Variants in RHBDL3 observed in about 807,000 individuals in gnomAD.
RHBDL3 encodes rhomboid-related protein 3.
Under a neutral mutation model 48.2 loss-of-function variants are expected in RHBDL3, and 28 were observed. The ratio of observed to expected loss-of-function variants is 0.58; its 90% CI spans 0.43 to 0.80. The LOEUF is 0.80. Ranked by LOEUF, RHBDL3 falls within the 30% of genes least tolerant of loss-of-function variation. RHBDL3 has a pLI of 0.00. For missense variants in RHBDL3, 464 were observed against 542.7 expected, an observed-to-expected ratio of 0.85 and a Z score of 1.44; for synonymous variants, 208 against 232.3, an observed-to-expected ratio of 0.90 and a Z score of 0.95.
chr17:32,274,072 G>T (rs566296304), intron 2 of RHBDL3, among the ~76,000 whole-genome samples: 1 of 152,180 alleles, frequency 6.6e-6, no homozygotes. Flanking sequence ...CAGAGCCCCA[G>T]TTGGGGTTCC....
intron 6 of RHBDL3, among the ~76,000 whole-genome samples, chr17:32,304,151 C>T (rs909847853): frequency 6.6e-6 from 1 of 152,184 alleles, no homozygotes; most frequent in African/African-American, 2.4e-5. Flanking sequence ...TTGTCATCCC[C>T]CAGACCAAGC....
At chr17:32,292,580 G>A (rs2040355231) in intron 4 of RHBDL3, among the ~76,000 whole-genome samples, 1 of 152,070 alleles carries the variant, frequency 6.6e-6, no homozygotes, top group Non-Finnish European at 1.5e-5. Context: ...TGAAGAAGGT[G>A]GATCACCTGA....
At position 32,322,902 on chromosome 17, in the gene RHBDL3, CA is replaced by C. The variant is rs1313259539; in HGVS notation, c.*1674del. The C allele has an allele frequency of 3.3e-5, 5 of 152,532 alleles. No individual in the cohort carries two copies. The highest frequency in any genetic ancestry group is 9.6e-5 in the African/African-American group (4 of 41,490). The allele number at this position is 152,532 out of a possible 1,614,324, so 9.4% of individuals were successfully genotyped here. On this transcript the variant is annotated 3_prime_UTR_variant, in exon 9 of 9. Transcript: ENST00000269051. ...AAAGAACGCCAGGCCTGGGAGGAGG[CA>C]GGGGGGCTGGGCGTGTCCAGAAACA...
intron 6 of RHBDL3, among the ~76,000 whole-genome samples, chr17:32,299,413 A>G (rs1386463625): frequency 6.6e-6 from 1 of 152,146 alleles, no homozygotes; most frequent in African/African-American, 2.4e-5. Context: ...CCCTCCCAGA[A>G]TCCAAGGCTC....
chr17:32,269,750 T>C (rs570638726), intron 2 of RHBDL3, among the ~76,000 whole-genome samples: 1 of 152,292 alleles, frequency 6.6e-6, no homozygotes, highest in African/African-American at 2.4e-5. Context: ...AGTGTATCAT[T>C]CTTTTTTTTT....
At chr17:32,266,956 C>T (rs989327968) in intron 1 of RHBDL3, among the ~76,000 whole-genome samples, 3 of 152,136 alleles carry the variant, frequency 2.0e-5, no homozygotes, top group Non-Finnish European at 4.4e-5. Flanking sequence ...GCCCCGAGGG[C>T]TTCCCCGCCG....
rs772582214 is a variant in RHBDL3 at position 32,321,267 on chromosome 17, C to T, written c.*38C>T. On this transcript the variant is annotated 3_prime_UTR_variant, in exon 9 of 9. Coordinates refer to ENST00000269051, the MANE Select transcript of RHBDL3 (RefSeq NM_138328.3). ...CAAGGTCGGGGAGGGGAGGGAAAAG[C>T]AGCACCCACAGGGAGCGCCTGCGAG... 3.1e-6 allele frequency: 5 copies of T among 1,613,338 alleles called. No individual in the cohort carries two copies. The highest frequency in any genetic ancestry group is 3.4e-6 in the Non-Finnish European group (4 of 1,179,900).
At chr17:32,273,714 C>T (rs2039829331) in intron 2 of RHBDL3, among the ~76,000 whole-genome samples, 1 of 152,068 alleles carries the variant, frequency 6.6e-6, no homozygotes, top group Admixed American at 6.6e-5. Flanking sequence ...AATAAAAAGA[C>T]ATATAATAGA....
At chr17:32,299,991 C>T (rs566357059) in intron 6 of RHBDL3, among the ~76,000 whole-genome samples, 10 of 152,296 alleles carry the variant, frequency 6.6e-5, no homozygotes, top group Non-Finnish European at 1.0e-4. Context: ...CTAGATTGGA[C>T]GGGTGGCACT....
intron 2 of RHBDL3, among the ~76,000 whole-genome samples, chr17:32,283,290 G>GAGGTGACT (rs1037616104): frequency 3.3e-5 from 5 of 151,010 alleles, no homozygotes; most frequent in African/African-American, 7.3e-5. Flanking sequence ...TTCTCTGGGA[G>GAGGTGACT]AGGTGACTAA....
intron 8 of RHBDL3, among the ~76,000 whole-genome samples, chr17:32,318,532 C>T (rs1267969167): frequency 6.6e-6 from 1 of 151,006 alleles, no homozygotes; most frequent in Admixed American, 6.6e-5. Context: ...TCCAGTCCTC[C>T]AAACCCACCT....
chr17:32,274,813 TGTGC>T (rs2039855771), intron 2 of RHBDL3, among the ~76,000 whole-genome samples: 2 of 44,674 alleles, frequency 4.5e-5, no homozygotes, highest in Admixed American at 3.9e-4. Flanking sequence ...CACGTGTGTT[TGTGC>T]ATGAGTGTGC....
chr17:32,298,278 A>G (rs2040502431), intron 6 of RHBDL3, 74 bp downstream of exon 6: 1 of 951,192 alleles, frequency 1.1e-6, no homozygotes, highest in African/African-American at 1.6e-5. Context: ...GGGGCGGGGC[A>G]AGCCCCAGGT....
intron 7 of RHBDL3, among the ~76,000 whole-genome samples, chr17:32,309,868 C>T (rs1384800665): frequency 1.3e-5 from 2 of 149,504 alleles, no homozygotes; most frequent in Admixed American, 6.7e-5. Flanking sequence ...CAACCTCCAC[C>T]TCCTGGGTTC....
chr17:32,286,734 C>T (rs1180297055), intron 3 of RHBDL3, among the ~76,000 whole-genome samples: 1 of 152,218 alleles, frequency 6.6e-6, no homozygotes, highest in Non-Finnish European at 1.5e-5. Context: ...TCTCGTAGTA[C>T]AGACCGCCAC....
intron 2 of RHBDL3, among the ~76,000 whole-genome samples, chr17:32,279,288 C>T (rs2039985956): frequency 6.6e-6 from 1 of 152,134 alleles, no homozygotes; most frequent in Non-Finnish European, 1.5e-5. Flanking sequence ...TGTTGCTGTT[C>T]ACCAGGATAG....
chr17:32,274,460 G>A (rs2039847432), intron 2 of RHBDL3, among the ~76,000 whole-genome samples: 2 of 152,202 alleles, frequency 1.3e-5, no homozygotes, highest in Admixed American at 1.3e-4. Flanking sequence ...ATTTGAGTCA[G>A]TAAATATTCT....
intron 4 of RHBDL3, among the ~76,000 whole-genome samples, 164 bp from the exon 5 acceptor site, chr17:32,294,128 CAA>C (rs34051934): frequency 2.8e-5 from 3 of 107,688 alleles, no homozygotes. Flanking sequence ...AACTCCATCT[CAA>C]AAAAAAAAAA....
intron 3 of RHBDL3, among the ~76,000 whole-genome samples, chr17:32,286,595 T>G (rs1428486573): frequency 6.6e-6 from 1 of 152,234 alleles, no homozygotes; most frequent in African/African-American, 2.4e-5. Context: ...TATTTGAATA[T>G]TTTTGATGTC....
Sources: allele counts gnomAD v4.1 joint callset (sites outside exome capture counted in the v4.1 genomes callset), GRCh38; gene constraint gnomAD v4.1.1; transcripts MANE v1.5; gene names NCBI Gene and HGNC (gene_info 2026-07-23, HGNC 2026-07-21).